CACNA1C: variants seen among roughly 807,000 people sequenced by gnomAD.
CACNA1C encodes voltage-dependent L-type calcium channel subunit alpha-1C.
CACNA1C carries 30 observed loss-of-function variants against 229.0 expected under a neutral mutation model. The observed-to-expected ratio is 0.13, with a 90% CI of 0.10 to 0.18. The LOEUF (loss-of-function observed/expected upper bound fraction) is 0.18. Ranked by LOEUF, CACNA1C falls within the 10% of genes least tolerant of loss-of-function variation. The probability of loss-of-function intolerance (pLI) is 1.00; values close to 1 mark genes in which losing one functional copy is unlikely to be tolerated. For missense variants in CACNA1C, 1,658 were observed against 2,845.0 expected (o/e 0.58, Z 9.49); for synonymous variants, 1,114 against 1,132.5 (o/e 0.98, Z 0.33).
intron 1 of CACNA1C, among the ~76,000 whole-genome samples, chr12:2,073,611 G>A (rs917230495): frequency 1.3e-5 from 2 of 152,240 alleles, no homozygotes; most frequent in Non-Finnish European, 2.9e-5. Context: ...AACCTGCTCA[G>A]AGGGCGGCTG....
At chr12:2,243,975 A>G (rs553211084) in intron 3 of CACNA1C, among the ~76,000 whole-genome samples, 4 of 152,232 alleles carry the variant, frequency 2.6e-5, no homozygotes, top group Admixed American at 6.5e-5. Context: ...CTTCAGGCCA[A>G]CTATGTACAA....
intron 3 of CACNA1C, among the ~76,000 whole-genome samples, chr12:2,420,214 C>T (rs906047326): frequency 6.6e-6 from 1 of 151,070 alleles, no homozygotes; most frequent in African/African-American, 2.5e-5. Flanking sequence ...CCAACAGGGA[C>T]ATGGAGCCAC....
intron 3 of CACNA1C, among the ~76,000 whole-genome samples, chr12:2,448,773 A>T (rs1282584509): frequency 1.3e-5 from 2 of 151,688 alleles, no homozygotes; most frequent in Admixed American, 1.3e-4. Flanking sequence ...GAAAAAAAAA[A>T]ATCCTGTAAT....
At chr12:2,260,683 T>C (rs2079796196) in intron 3 of CACNA1C, among the ~76,000 whole-genome samples, 1 of 152,152 alleles carries the variant, frequency 6.6e-6, no homozygotes, top group African/African-American at 2.4e-5. Flanking sequence ...TTTTGAACAC[T>C]TGTTGGCTGT....
At chr12:2,328,411 T>C (rs59676370) in intron 3 of CACNA1C, among the ~76,000 whole-genome samples, 17,994 of 152,170 alleles carry the variant, frequency 0.12, 2,834 homozygotes, top group African/African-American at 0.36. Context: ...TATTTTAATT[T>C]GTCCAAAGGT....
chr12:2,510,877 A>C (rs146301716), intron 8 of CACNA1C, among the ~76,000 whole-genome samples: 129 of 152,292 alleles, frequency 8.5e-4, no homozygotes, highest in African/African-American at 2.9e-3. Flanking sequence ...ATATGAGGTT[A>C]CTGTCTCCAG....
intron 34 of CACNA1C, among the ~76,000 whole-genome samples, chr12:2,656,055 C>T (rs1488232328): frequency 2.0e-5 from 3 of 152,196 alleles, no homozygotes; most frequent in Admixed American, 6.5e-5. Flanking sequence ...TGCCCACTCT[C>T]ACCACTTCTA....
In CACNA1C at chr12:2,695,892, A is replaced by AC. The variant is rs1301420622; in HGVS notation, c.*4699dup. 1 of 151,532 alleles carries AC rather than the reference A, an allele frequency of 6.6e-6. No individual in the cohort carries two copies. Among genetic ancestry groups the AC allele is most frequent in the African/African-American group, 2.4e-5 (1 of 41,176 alleles). The allele number at this position is 151,532 out of a possible 1,614,324, so 9.4% of individuals were successfully genotyped here. On this transcript the variant is annotated 3_prime_UTR_variant, in exon 47 of 47. Coordinates refer to ENST00000399655, the MANE Select transcript of CACNA1C (RefSeq NM_000719.7). ...TACATTGACGGGGGATGCTTGAACAACCCCCCTCACTACACAGACACACAC... is the reference window on the plus strand; with the variant it reads ...TACATTGACGGGGGATGCTTGAACAACCCCCCCTCACTACACAGACACACAC...
At chr12:2,563,548 A>G (rs1286253617) in intron 11 of CACNA1C, among the ~76,000 whole-genome samples, 1 of 152,228 alleles carries the variant, frequency 6.6e-6, no homozygotes, top group Non-Finnish European at 1.5e-5. Flanking sequence ...TCCTCAAGCC[A>G]AAAACTAAGT....
intron 3 of CACNA1C, among the ~76,000 whole-genome samples, chr12:2,145,389 T>G (rs1024736591): frequency 4.0e-5 from 6 of 151,246 alleles, no homozygotes; most frequent in Non-Finnish European, 8.9e-5. Context: ...TGCTGGGTCT[T>G]TGCTTGTGTT....
rs979628826 is a variant in CACNA1C at position 2,692,767 on chromosome 12, C to G, written c.*1568C>G. The G allele has an allele frequency of 6.6e-6, 1 of 152,494 alleles. No homozygotes were observed. The highest frequency in any genetic ancestry group is 2.1e-4 in the South Asian group (1 of 4,826). The allele number at this position is 152,494 out of a possible 1,614,324, so 9.4% of individuals were successfully genotyped here. On this transcript the variant is annotated 3_prime_UTR_variant, in exon 47 of 47. Transcript: ENST00000399655. ...TTGATAATGTTTCTGTTGAAGAAACCGTTATACTTGAATTCAGGTCAGTTT... is the reference window on the plus strand; with the variant it reads ...TTGATAATGTTTCTGTTGAAGAAACGGTTATACTTGAATTCAGGTCAGTTT...
intron 9 of CACNA1C, among the ~76,000 whole-genome samples, chr12:2,544,467 C>T (rs1441881813): frequency 6.6e-6 from 1 of 152,210 alleles, no homozygotes; most frequent in Non-Finnish European, 1.5e-5. Flanking sequence ...TGACCAACTT[C>T]CCACCTGCAT....
intron 9 of CACNA1C, among the ~76,000 whole-genome samples, chr12:2,532,357 G>A (rs996275873): frequency 1.3e-5 from 2 of 151,874 alleles, no homozygotes; most frequent in Non-Finnish European, 2.9e-5. Context: ...CCCACCCCTC[G>A]ACACAGTCCT....
intron 43 of CACNA1C, among the ~76,000 whole-genome samples, chr12:2,684,523 A>G (rs1371490198): frequency 6.6e-6 from 1 of 152,146 alleles, no homozygotes; most frequent in Non-Finnish European, 1.5e-5. Context: ...TGCACCAGGC[A>G]CTCTGCTAGG....
intron 3 of CACNA1C, among the ~76,000 whole-genome samples, chr12:2,197,961 A>G (rs1455186103): frequency 2.0e-5 from 3 of 152,190 alleles, no homozygotes; most frequent in Admixed American, 1.3e-4. Context: ...CTTGATTTAC[A>G]TGTTCTGGGT....
At chr12:2,643,098 C>T (rs988200657) in intron 30 of CACNA1C, among the ~76,000 whole-genome samples, 43 of 152,318 alleles carry the variant, frequency 2.8e-4, no homozygotes, top group Non-Finnish European at 5.7e-4. Context: ...GGCTGCCAGT[C>T]CCCTTGGGGC....
chr12:2,428,062 T>A (rs2099049940), intron 3 of CACNA1C, among the ~76,000 whole-genome samples: 1 of 152,266 alleles, frequency 6.6e-6, no homozygotes, highest in Non-Finnish European at 1.5e-5. Context: ...GACTGTCTCT[T>A]ATTACTTGCT....
chr12:2,241,352 G>A (rs377425632), intron 3 of CACNA1C, among the ~76,000 whole-genome samples: 1 of 152,122 alleles, frequency 6.6e-6, no homozygotes, highest in East Asian at 1.9e-4. Flanking sequence ...CCAAGGTCAC[G>A]TGAAAGAGCT....
chr12:2,043,406 A>C (rs1209941564), intron 1 of CACNA1C, among the ~76,000 whole-genome samples: 1 of 152,124 alleles, frequency 6.6e-6, no homozygotes, highest in Non-Finnish European at 1.5e-5. Flanking sequence ...TCACTCAGGG[A>C]CTCAGGGTTG....
Sources: gnomAD v4.1 joint callset for allele counts (sites outside exome capture counted in the v4.1 genomes callset) on GRCh38, gnomAD v4.1.1 for gene constraint, MANE v1.5 for transcripts, NCBI Gene and HGNC (gene_info 2026-07-23, HGNC 2026-07-21) for gene names.